Variants in ANK3 observed in about 807,000 individuals in gnomAD.
ANK3 encodes ankyrin-3.
A neutral mutation model predicts 370.9 loss-of-function variants in ANK3; 57 were observed. That is an observed-to-expected ratio of 0.15 (90% CI 0.12 to 0.19). ANK3 has a LOEUF of 0.19. Ranked by LOEUF, ANK3 falls within the 10% of genes least tolerant of loss-of-function variation. The pLI, the probability that ANK3 is intolerant of heterozygous loss-of-function variation, is 1.00. For synonymous variants in ANK3, 1,929 were observed against 1,946.3 expected, an observed-to-expected ratio of 0.99 and a Z score of 0.23; for missense variants, 4,439 against 5,302.1, an observed-to-expected ratio of 0.84 and a Z score of 5.06.
chr10:60,467,019 T>C (rs2065025883), intron 2 of ANK3, among the ~76,000 whole-genome samples: 1 of 152,120 alleles, frequency 6.6e-6, no homozygotes, highest in South Asian at 2.1e-4. Context: ...CACAACTCTG[T>C]AAACATACTA....
chr10:60,104,388 A>T (rs867754334), intron 28 of ANK3, among the ~76,000 whole-genome samples: 1 of 119,694 alleles, frequency 8.4e-6, no homozygotes, highest in African/African-American at 3.0e-5. Flanking sequence ...AAAAAAAAAA[A>T]AAAAGAAACA....
chr10:60,339,088 G>T (rs1236941710), intron 1 of ANK3, among the ~76,000 whole-genome samples: 2 of 151,626 alleles, frequency 1.3e-5, no homozygotes, highest in Non-Finnish European at 2.9e-5. Context: ...AAATAGATTT[G>T]TGTTTATTTG....
rs1564833829 is a variant in ANK3, at chr10:60,076,077, C to T, written c.4804G>A (p.Ala1602Thr). ...IQVSSGTLAR[A>T]PAVTEATPLK... ...GGCGTAGCTTCCGTGACTGCTGGAG[C>T]TCTAGCCAGGGTACCAGAGGAAACT... Residue 1602 changes from alanine to threonine, a missense_variant, in exon 37 of 44, where the codon GCT becomes ACT. Around this residue, in one of 13 missense-constraint regions of ANK3, gnomAD observed 679 missense variants for 791.0 expected, o/e 0.86. Transcript: ENST00000280772. 1 of 1,614,070 alleles carries T rather than the reference C, an allele frequency of 6.2e-7. No individual in the cohort carries two copies. Among genetic ancestry groups the T allele is most frequent in the African/African-American group, 1.3e-5 (1 of 74,938 alleles).
intron 2 of ANK3, among the ~76,000 whole-genome samples, chr10:60,585,166 C>T (rs1247861114): frequency 4.6e-5 from 7 of 152,096 alleles, no homozygotes; most frequent in East Asian, 1.9e-4. Context: ...GCCTAGCAGT[C>T]GGGCAGCAAG....
intron 2 of ANK3, among the ~76,000 whole-genome samples, chr10:60,487,276 A>T (rs2075373444): frequency 6.6e-6 from 1 of 152,206 alleles, no homozygotes; most frequent in Admixed American, 6.5e-5. Flanking sequence ...GAGAACAGGG[A>T]GTGGTATGAA....
At chr10:60,393,211 G>T (rs984782395), upstream of ANK3, among the ~76,000 whole-genome samples, 2 of 152,128 alleles carry the variant, frequency 1.3e-5, no homozygotes, top group Non-Finnish European at 2.9e-5. Flanking sequence ...GTATCCTGGA[G>T]CCCCAGCTCT....
chr10:60,097,224 G>A (rs1001595722), intron 28 of ANK3, among the ~76,000 whole-genome samples: 5 of 152,186 alleles, frequency 3.3e-5, no homozygotes, highest in African/African-American at 9.6e-5. Context: ...TAGAACCTAG[G>A]TCTAGGAAAG....
At chr10:60,317,907 G>A (rs562475273) in intron 1 of ANK3, among the ~76,000 whole-genome samples, 6 of 151,840 alleles carry the variant, frequency 4.0e-5, no homozygotes, top group South Asian at 2.1e-4. Context: ...TAGTAGAGAC[G>A]GGGTTTCACT....
At chr10:60,392,556 T>C (rs776938435), upstream of ANK3, among the ~76,000 whole-genome samples, 3 of 152,192 alleles carry the variant, frequency 2.0e-5, no homozygotes, top group African/African-American at 7.2e-5. Context: ...TCCTACTACT[T>C]GCCATTGACC....
intron 14 of ANK3, among the ~76,000 whole-genome samples, 170 bp downstream of exon 14, chr10:60,198,170 C>T (rs1245490890): frequency 1.3e-5 from 2 of 152,202 alleles, no homozygotes; most frequent in South Asian, 2.1e-4. Context: ...CCACAAAATA[C>T]TACCAGTTAC....
At chr10:60,152,156 C>A (rs1276936734) in intron 23 of ANK3, among the ~76,000 whole-genome samples, 1 of 152,114 alleles carries the variant, frequency 6.6e-6, no homozygotes, top group East Asian at 1.9e-4. Flanking sequence ...ATGATAGACA[C>A]CAGGACAACT....
chr10:60,035,582 T>A (rs1166168436), intron 43 of ANK3, among the ~76,000 whole-genome samples: 1 of 151,962 alleles, frequency 6.6e-6, no homozygotes, highest in Non-Finnish European at 1.5e-5. Flanking sequence ...TTTTAAATAG[T>A]GAGCTCAAGG....
At chr10:60,395,402 A>C (rs2063196528) in intron 2 of ANK3, among the ~76,000 whole-genome samples, 1 of 152,188 alleles carries the variant, frequency 6.6e-6, no homozygotes, top group Non-Finnish European at 1.5e-5. Context: ...TGCATGACTT[A>C]CACTCCATTC....
Position 60,089,505 on chromosome 10 carries a change from G to A in ANK3, c.3329-1147C>T, listed in dbSNP as rs934613919. On this transcript the variant is annotated intron_variant, in intron 28 of 43. Transcript: ENST00000280772. ...TGTGTGTGTGTGTGTGTGTGTGTGTGTGTATGTATGTGTGTTTCAAAGCCA... is the reference window on the plus strand; with the variant it reads ...TGTGTGTGTGTGTGTGTGTGTGTGTATGTATGTATGTGTGTTTCAAAGCCA... 5.4e-4 allele frequency among the ~76,000 whole-genome samples: 70 copies of A among 129,794 alleles called. 1 individual carries two copies. Among genetic ancestry groups the A allele is most frequent in the South Asian group, 4.0e-3 (16 of 4,038 alleles). The allele number at this position is 129,794 out of a possible 152,430, so 85.1% of individuals were successfully genotyped here.
At chr10:60,097,426 A>G (rs2090356884) in intron 28 of ANK3, among the ~76,000 whole-genome samples, 1 of 152,244 alleles carries the variant, frequency 6.6e-6, no homozygotes. Context: ...TTACAGAGCC[A>G]CTAATGTTCT....
At chr10:60,041,061 C>A (rs1261567779) in intron 43 of ANK3, among the ~76,000 whole-genome samples, 1 of 152,176 alleles carries the variant, frequency 6.6e-6, no homozygotes, top group African/African-American at 2.4e-5. Context: ...GGATCCTTCT[C>A]ATCCAATAAA....
At chr10:60,434,293 G>T (rs2064103193) in intron 2 of ANK3, among the ~76,000 whole-genome samples, 2 of 151,968 alleles carry the variant, frequency 1.3e-5, no homozygotes, top group African/African-American at 4.8e-5. Context: ...CATATTAATG[G>T]CCCTATAGCA....
chr10:60,518,673 C>T (rs887652607), intron 2 of ANK3, among the ~76,000 whole-genome samples: 25 of 152,244 alleles, frequency 1.6e-4, no homozygotes, highest in East Asian at 1.9e-4. Flanking sequence ...CCCAATCTCA[C>T]GGCTTGTGAA....
intron 1 of ANK3, among the ~76,000 whole-genome samples, chr10:60,308,717 A>T (rs577190701): frequency 1.3e-5 from 2 of 152,094 alleles, no homozygotes; most frequent in Non-Finnish European, 2.9e-5. Flanking sequence ...AGCCCCTACC[A>T]TCCAAAACCC....
Sources: allele counts gnomAD v4.1 joint callset (sites outside exome capture counted in the v4.1 genomes callset), GRCh38; gene constraint gnomAD v4.1.1; regional missense constraint gnomAD v4.1.1; transcripts MANE v1.5; gene names NCBI Gene and HGNC (gene_info 2026-07-23, HGNC 2026-07-21).